The following MYO9A variants were observed in gnomAD, a reference collection of about 807,000 sequenced individuals.
MYO9A encodes unconventional myosin-IXa.
Under a neutral mutation model 293.3 loss-of-function variants are expected in MYO9A, and 103 were observed. That is an observed-to-expected ratio of 0.35 (90% CI 0.30 to 0.41). MYO9A has a LOEUF of 0.41. Ranked by LOEUF, MYO9A falls within the 10% of genes least tolerant of loss-of-function variation. MYO9A has a pLI of 1.00. For synonymous variants in MYO9A, 1,001 were observed against 1,035.7 expected, an observed-to-expected ratio of 0.97 and a Z score of 0.64; for missense variants, 2,685 against 3,033.0, an observed-to-expected ratio of 0.89 and a Z score of 2.69.
At position 71,830,324 on chromosome 15, in the gene MYO9A, A is replaced by T. The variant is rs760439363; in HGVS notation, c.6838-13T>A. The T allele has an allele frequency of 6.2e-7, 1 of 1,612,402 alleles. No individual in the cohort carries two copies. Among genetic ancestry groups the T allele is most frequent in the South Asian group, 1.1e-5 (1 of 90,956 alleles). ...TACGCCCCTTTCCCTGCAGAGAAAA[A>T]TTCATGTTAGAAAGTAAATTGAGTG... On this transcript the variant is annotated splice_polypyrimidine_tract_variant and intron_variant, in intron 39 of 41. Transcript: ENST00000356056.
At chr15:71,849,634 G>A (rs1268837529) in intron 38 of MYO9A, among the ~76,000 whole-genome samples, 3 of 152,034 alleles carry the variant, frequency 2.0e-5, no homozygotes, top group Non-Finnish European at 4.4e-5. Context: ...AACCATGTTA[G>A]AAGGAAAGCA....
At chr15:72,058,512 C>T (rs770581878) in intron 1 of MYO9A, among the ~76,000 whole-genome samples, 2 of 151,914 alleles carry the variant, frequency 1.3e-5, no homozygotes, top group African/African-American at 2.4e-5. Flanking sequence ...AGAGAAAAAA[C>T]GATTACTAAA....
At chr15:72,110,428 T>G (rs1187272933) in intron 1 of MYO9A, among the ~76,000 whole-genome samples, 4 of 97,258 alleles carry the variant, frequency 4.1e-5, no homozygotes, top group Non-Finnish European at 5.5e-5. Flanking sequence ...AGAGCAAGAC[T>G]CCATCTCAAA....
At chr15:71,920,513 T>C (rs1054464018) in intron 18 of MYO9A, among the ~76,000 whole-genome samples, 1 of 152,178 alleles carries the variant, frequency 6.6e-6, no homozygotes, top group Non-Finnish European at 1.5e-5. Context: ...TCTGAAAACT[T>C]GATTTTGAAA....
chr15:71,970,089 C>G (rs2075972332), intron 12 of MYO9A, among the ~76,000 whole-genome samples: 1 of 152,128 alleles, frequency 6.6e-6, no homozygotes, highest in South Asian at 2.1e-4. Context: ...ATCCTAACTT[C>G]GGTTGTTAAA....
intron 6 of MYO9A, 151 bp from the exon 7 acceptor site, chr15:72,010,598 G>A (rs1171902822): frequency 1.6e-6 from 1 of 620,146 alleles, no homozygotes; most frequent in African/African-American, 1.8e-5. Flanking sequence ...AAATTCATTA[G>A]ACCTCTTATC....
intron 39 of MYO9A, among the ~76,000 whole-genome samples, chr15:71,838,187 T>C (rs1490003713): frequency 6.6e-6 from 1 of 152,144 alleles, no homozygotes; most frequent in East Asian, 1.9e-4. Context: ...GGGTAGCTAA[T>C]CTTTCTATTT....
At chr15:71,932,593 A>G (rs746553032) in intron 18 of MYO9A, among the ~76,000 whole-genome samples, 6 of 151,446 alleles carry the variant, frequency 4.0e-5, no homozygotes, top group Non-Finnish European at 8.8e-5. Flanking sequence ...TCCTCAAACA[A>G]TGGCTAGAGA....
At chr15:71,925,232 CACATATATAT>C in intron 18 of MYO9A, among the ~76,000 whole-genome samples, 1 of 65,722 alleles carries the variant, frequency 1.5e-5, no homozygotes, top group East Asian at 3.8e-4. Context: ...CACATATATA[CACATATATAT>C]ACATATACGT....
chr15:72,032,646 G>C lies in MYO9A; in HGVS notation c.841-58C>G, dbSNP rs976693188. The C allele has an allele frequency of 3.6e-6, 4 of 1,119,882 alleles. No homozygotes were observed. The African/African-American group carries it at 4.8e-5, about 14-fold the overall frequency. The allele number at this position is 1,119,882 out of a possible 1,614,324, so 69.4% of individuals were successfully genotyped here. A position where few individuals can be genotyped will look rare whatever the true frequency, so the allele number is the denominator to read the frequency against. On this transcript the variant is annotated intron_variant, in intron 2 of 41. Transcript: ENST00000356056. ...TAAAAAAAAAAAATTTTTTTTTGGA[G>C]GGGGGATTAGGTCAGCTGCTTAGGT...
intron 29 of MYO9A, 98 bp from the exon 30 acceptor site, chr15:71,879,935 T>A (rs2056822264): frequency 1.2e-6 from 1 of 829,070 alleles, no homozygotes; most frequent in Non-Finnish European, 2.0e-6. Context: ...ATGACTGTCC[T>A]CAAAGTGCAA....
chr15:71,925,367 A>G (rs963669423), intron 18 of MYO9A, among the ~76,000 whole-genome samples: 22 of 150,990 alleles, frequency 1.5e-4, no homozygotes, highest in Admixed American at 3.3e-4. Context: ...GTATATATAC[A>G]TATATACGTA....
intron 1 of MYO9A, among the ~76,000 whole-genome samples, chr15:72,112,371 T>C (rs1489027567): frequency 6.6e-6 from 1 of 152,192 alleles, no homozygotes; most frequent in South Asian, 2.1e-4. Context: ...TAATTCACAT[T>C]AAAACCCAGA....
At chr15:72,044,462 C>T (rs1399167833) in intron 2 of MYO9A, among the ~76,000 whole-genome samples, 1 of 151,908 alleles carries the variant, frequency 6.6e-6, no homozygotes, top group Non-Finnish European at 1.5e-5. Context: ...CCACAGTCAT[C>T]ATGAAGTACA....
rs1025746920 is a variant in MYO9A at position 71,997,971 on chromosome 15, G to A, written c.1470+1880C>T. The stretch of plus-strand genomic sequence containing the variant: ...TTCAACCCAGTAATCCAATTACTGG[G>A]CATATATCCAAAGGAATAGAAATCA... On this transcript the variant is annotated intron_variant, in intron 9 of 41. Coordinates refer to ENST00000356056, the MANE Select transcript of MYO9A (RefSeq NM_006901.4). Among the ~76,000 whole-genome samples, 4 of 152,098 alleles carry A rather than the reference G, an allele frequency of 2.6e-5. 1 individual carries two copies. Among genetic ancestry groups the A allele is most frequent in the African/African-American group, 9.7e-5 (4 of 41,378 alleles).
intron 30 of MYO9A, among the ~76,000 whole-genome samples, chr15:71,878,827 A>G (rs1596090493): frequency 6.9e-6 from 1 of 144,496 alleles, no homozygotes; most frequent in Non-Finnish European, 1.5e-5. Flanking sequence ...GCTCACTGCA[A>G]CCTCCACCTC....
At chr15:71,900,437 A>G (rs1345547743) in intron 23 of MYO9A, among the ~76,000 whole-genome samples, 2 of 152,136 alleles carry the variant, frequency 1.3e-5, no homozygotes, top group African/African-American at 2.4e-5. Context: ...CTCTGTCTCA[A>G]AAAAATAAAA....
At chr15:72,083,305 A>C (rs1304054945) in intron 1 of MYO9A, among the ~76,000 whole-genome samples, 1 of 152,146 alleles carries the variant, frequency 6.6e-6, no homozygotes, top group Non-Finnish European at 1.5e-5. Flanking sequence ...GTTTCTGTAC[A>C]CAGAGGTGTT....
At chr15:72,053,201 A>C (rs1245921500) in intron 1 of MYO9A, among the ~76,000 whole-genome samples, 1 of 152,062 alleles carries the variant, frequency 6.6e-6, no homozygotes, top group Non-Finnish European at 1.5e-5. Context: ...GGAGATCGAG[A>C]CCAGCCTGGC....
Sources: gnomAD v4.1 joint callset for allele counts (sites outside exome capture counted in the v4.1 genomes callset) on GRCh38, gnomAD v4.1.1 for gene constraint, MANE v1.5 for transcripts, NCBI Gene and HGNC (gene_info 2026-07-23, HGNC 2026-07-21) for gene names.